Variants in NTS observed in about 807,000 individuals in gnomAD.
NTS encodes the protein neurotensin, also known as neurotensin/neuromedin N.
A neutral mutation model predicts 19.5 loss-of-function variants in NTS; 20 were observed. The ratio of observed to expected loss-of-function variants is 1.02; its 90% CI spans 0.72 to 1.49. NTS has a LOEUF of 1.49. Among genes scored for constraint, NTS ranks in the 40% most tolerant of loss-of-function variants. The probability of loss-of-function intolerance (pLI) is 0.00; values close to 1 mark genes in which losing one functional copy is unlikely to be tolerated. For missense variants in NTS, 215 were observed against 193.1 expected, an observed-to-expected ratio of 1.11 and a Z score of -0.67; for synonymous variants, 71 against 63.3, an observed-to-expected ratio of 1.12 and a Z score of -0.58.
intron 3 of NTS, among the ~76,000 whole-genome samples, chr12:85,880,487 C>T (rs1455772557): frequency 1.3e-5 from 2 of 152,020 alleles, no homozygotes; most frequent in African/African-American, 4.8e-5. Context: ...AACAAACTTG[C>T]GATTGACTAC....
At position 85,878,531 on chromosome 12, in the gene NTS, C is replaced by A; in HGVS notation, c.322C>A (p.His108Asn). The change falls in exon 3 of 4, where the codon CAC becomes AAC. Residue 108 changes from histidine to asparagine, a missense_variant. Physicochemically the swap from His to Asn is moderately conservative, Grantham distance 68. Transcript: ENST00000256010. ...LEAMLTIYQLHKICHSRAFQH... is the reference protein window; with the variant it reads ...LEAMLTIYQLNKICHSRAFQH... ...AGCAATGTTGACAATATACCAGCTCCACAAAATCTGTCACAGCAGGGCTTT... is the reference window on the plus strand; with the variant it reads ...AGCAATGTTGACAATATACCAGCTCAACAAAATCTGTCACAGCAGGGCTTT... 1 of 1,612,876 alleles carries A rather than the reference C, an allele frequency of 6.2e-7. No individual in the cohort carries two copies. Among genetic ancestry groups the A allele is most frequent in the Non-Finnish European group, 8.5e-7 (1 of 1,179,372 alleles).
intron 1 of NTS, 84 bp downstream of exon 1, chr12:85,874,560 T>C (rs1881288403): frequency 1.1e-6 from 1 of 895,636 alleles, no homozygotes; most frequent in African/African-American, 1.6e-5. Context: ...TTAATGTATC[T>C]GGGGAGAAGA....
At position 85,882,338 on chromosome 12, in the gene NTS, G is replaced by A. The variant is rs1389883291; in HGVS notation, c.476G>A (p.Arg159Lys). 4 of 1,599,502 alleles carry A rather than the reference G, an allele frequency of 2.5e-6. No individual in the cohort carries two copies. In the Admixed American group the frequency reaches 7.1e-5, roughly 29 times the overall value. ...KRQLYENKPR[R>K]PYILKRDSYY... is the part of the protein sequence containing the mutation. ...CAGCTGTATGAGAATAAACCCAGAA[G>A]ACCCTACATACTCAAAAGAGATTCT... The change falls in exon 4 of 4, where the codon AGA (arginine) becomes AAA (lysine). Residue 159 changes from arginine to lysine, a missense_variant. Coordinates refer to ENST00000256010, the MANE Select transcript of NTS (RefSeq NM_006183.5).
chr12:85,876,760 A>ATGG (rs1881355162), intron 2 of NTS, 59 bp downstream of exon 2: 4 of 879,016 alleles, frequency 4.6e-6, no homozygotes, highest in Non-Finnish European at 7.0e-6. Context: ...CATTATAAAC[A>ATGG]TGGTATCCTT....
chr12:85,878,494 C>T lies in NTS; in HGVS notation c.285C>T (p.Gly95=). ...ARRKLPTALD[G]FSLEAMLTIY... is the part of the protein sequence containing the mutation. ...GGAAACTTCCTACTGCTTTAGATGGCTTTAGCTTGGAAGCAATGTTGACAA... is the reference window on the plus strand; with the variant it reads ...GGAAACTTCCTACTGCTTTAGATGGTTTTAGCTTGGAAGCAATGTTGACAA... The change falls in exon 3 of 4, where the codon GGC becomes GGT. Residue 95 remains glycine, a synonymous_variant. Coordinates refer to ENST00000256010, the MANE Select transcript of NTS (RefSeq NM_006183.5). 6.2e-7 allele frequency: 1 copy of T among 1,613,872 alleles called. No individual in the cohort carries two copies. The highest frequency in any genetic ancestry group is 8.5e-7 in the Non-Finnish European group (1 of 1,179,908).
intron 3 of NTS, among the ~76,000 whole-genome samples, chr12:85,879,077 A>T (rs998775615): frequency 9.5e-5 from 14 of 146,642 alleles, no homozygotes; most frequent in Admixed American, 8.9e-4. Context: ...ATTTTAATGT[A>T]CATAAAATAT....
At chr12:85,880,046 T>G (rs545538364) in intron 3 of NTS, among the ~76,000 whole-genome samples, 1 of 150,326 alleles carries the variant, frequency 6.7e-6, no homozygotes, top group African/African-American at 2.4e-5. Flanking sequence ...ATCTGGAACC[T>G]TTTGTATTTG....
intron 1 of NTS, among the ~76,000 whole-genome samples, chr12:85,876,309 A>G (rs1881342613): frequency 6.6e-6 from 1 of 151,940 alleles, no homozygotes; most frequent in South Asian, 2.1e-4. Flanking sequence ...GGTAAGAAAT[A>G]AGCTACTCTA....
intron 3 of NTS, among the ~76,000 whole-genome samples, chr12:85,880,365 C>T (rs12306364): frequency 0.032 from 4,933 of 151,992 alleles, 278 homozygotes; most frequent in African/African-American, 0.11. Context: ...TAAAAATTTT[C>T]GACAAGGGAA....
chr12:85,875,832 C>T (rs1881328715), intron 1 of NTS, among the ~76,000 whole-genome samples: 2 of 151,900 alleles, frequency 1.3e-5, no homozygotes, highest in South Asian at 4.1e-4. Flanking sequence ...AATGGGTTCT[C>T]CAATTGTGGC....
chr12:85,876,204 T>C (rs1253373650), intron 1 of NTS, among the ~76,000 whole-genome samples: 1 of 151,954 alleles, frequency 6.6e-6, no homozygotes, highest in Non-Finnish European at 1.5e-5. Context: ...GCAATTCCCT[T>C]TGGTTTTGTC....
intron 1 of NTS, among the ~76,000 whole-genome samples, chr12:85,876,261 G>C (rs1881341231): frequency 6.6e-6 from 1 of 151,762 alleles, no homozygotes. Flanking sequence ...GTTTTTAAAT[G>C]TTAATATGCA....
intron 3 of NTS, among the ~76,000 whole-genome samples, chr12:85,879,291 T>TATA (rs1354179853): frequency 2.4e-5 from 2 of 81,930 alleles, no homozygotes; most frequent in Middle Eastern, 0.02. Context: ...ACCATATATT[T>TATA]TATGTATATT....
chr12:85,879,084 AT>A (rs1293899056), intron 3 of NTS, among the ~76,000 whole-genome samples: 1 of 146,740 alleles, frequency 6.8e-6, no homozygotes, highest in African/African-American at 2.5e-5. Context: ...TGTACATAAA[AT>A]ATATTTTTAT....
intron 3 of NTS, among the ~76,000 whole-genome samples, chr12:85,879,256 A>ATATTTTATGTAT (rs369316891): frequency 0.11 from 2 of 18 alleles, 1 homozygote; most frequent in South Asian, 1. Flanking sequence ...TATTATACAT[A>ATATTTTATGTAT]ATTTTATGTA....
chr12:85,876,581 G>T (rs540385832), intron 1 of NTS, 59 bp from the exon 2 acceptor site: 1 of 1,000,212 alleles, frequency 1.0e-6, no homozygotes, highest in East Asian at 2.7e-5. Flanking sequence ...AAAATCTGTA[G>T]ATTATGATAT....
At chr12:85,879,022 A>G (rs910662873) in intron 3 of NTS, among the ~76,000 whole-genome samples, 1 of 150,118 alleles carries the variant, frequency 6.7e-6, no homozygotes, top group Non-Finnish European at 1.5e-5. Context: ...TATATTAGGC[A>G]AATAAAAATA....
chr12:85,874,378 G>A lies in NTS; in HGVS notation c.-26G>A. On this transcript the variant is annotated 5_prime_UTR_variant, in exon 1 of 4. Coordinates refer to ENST00000256010, the MANE Select transcript of NTS (RefSeq NM_006183.5). ...CTTCAGTGTGCTTCTGACTTTTACG[G>A]ACTTGGCTTGTTAGAAGGCTGAAAG... 1 of 1,588,258 alleles carries A rather than the reference G, an allele frequency of 6.3e-7. No homozygotes were observed. The highest frequency in any genetic ancestry group is 1.7e-5 in the Admixed American group (1 of 59,974).
rs1257292298 is a variant in NTS, at chr12:85,880,205, C to T, written c.360+1636C>T. Among the ~76,000 whole-genome samples the T allele has an allele frequency of 7.6e-4, 116 of 152,050 alleles. 1 individual carries two copies. The highest frequency in any genetic ancestry group is 2.1e-4 in the Non-Finnish European group (14 of 67,958). ...ACAAAACTTAGTGTGTAATAATGTA[C>T]TTGCAAAATGCTTTACAATTTATTG... is the stretch of plus-strand genomic sequence containing the variant. On this transcript the variant is annotated intron_variant, in intron 3 of 3. Coordinates refer to ENST00000256010, the MANE Select transcript of NTS (RefSeq NM_006183.5).
Sources: allele counts gnomAD v4.1 joint callset (sites outside exome capture counted in the v4.1 genomes callset), GRCh38; gene constraint gnomAD v4.1.1; transcripts MANE v1.5; gene names NCBI Gene and HGNC (gene_info 2026-07-23, HGNC 2026-07-21).